The following PRICKLE1 variants were observed in gnomAD, a reference collection of about 807,000 sequenced individuals.
PRICKLE1 encodes prickle planar cell polarity protein 1.
Under a neutral mutation model 70.2 loss-of-function variants are expected in PRICKLE1, and 14 were observed. The ratio of observed to expected loss-of-function variants is 0.20; its 90% CI spans 0.13 to 0.31. PRICKLE1 has a LOEUF of 0.31. PRICKLE1 is among the 10% of genes least tolerant of loss of function. The pLI is 1.00. For synonymous variants in PRICKLE1, 357 were observed against 379.9 expected, an observed-to-expected ratio of 0.94 and a Z score of 0.70; for missense variants, 821 against 1,026.2, an observed-to-expected ratio of 0.80 and a Z score of 2.73.
At chr12:42,588,154 C>G (rs1327225797) in intron 1 of PRICKLE1, among the ~76,000 whole-genome samples, 7 of 152,330 alleles carry the variant, frequency 4.6e-5, no homozygotes, top group African/African-American at 7.2e-5. Context: ...TGAGCTCACA[C>G]ATCTGGAGCC....
At chr12:42,541,177 G>T (rs1421145412) in intron 1 of PRICKLE1, among the ~76,000 whole-genome samples, 1 of 151,978 alleles carries the variant, frequency 6.6e-6, no homozygotes, top group Non-Finnish European at 1.5e-5. Context: ...GCTGAAATGA[G>T]GTCCAGATAG....
intron 1 of PRICKLE1, among the ~76,000 whole-genome samples, chr12:42,479,412 C>T (rs146974675): frequency 2.4e-3 from 371 of 152,322 alleles, no homozygotes; most frequent in African/African-American, 8.4e-3. Flanking sequence ...TGCACACATT[C>T]GCACACAGCA....
chr12:42,479,143 C>A (rs911104267), intron 1 of PRICKLE1, among the ~76,000 whole-genome samples: 1 of 152,224 alleles, frequency 6.6e-6, no homozygotes, highest in Non-Finnish European at 1.5e-5. Context: ...GCTCCTATTG[C>A]AACGTACCAA....
At chr12:42,492,975 C>T (rs761080711) in intron 1 of PRICKLE1, among the ~76,000 whole-genome samples, 1 of 152,146 alleles carries the variant, frequency 6.6e-6, no homozygotes, top group Non-Finnish European at 1.5e-5. Context: ...ATATTTTATC[C>T]TCCACAGAAC....
Position 42,459,621 on chromosome 12 carries a change from AG to A in PRICKLE1, c.*187del. On this transcript the variant is annotated 3_prime_UTR_variant, in exon 8 of 8. Transcript: ENST00000345127. ...GTCACGTCCACCTGGCACCATCCAA[AG>A]AGGGTAAATTGGAGAAATCACACCT... 1 of 742,696 alleles carries A rather than the reference AG, an allele frequency of 1.3e-6. No homozygotes were observed. Among genetic ancestry groups the A allele is most frequent in the South Asian group, 1.7e-5 (1 of 57,910 alleles). The allele number at this position is 742,696 out of a possible 1,614,324, so 46.0% of individuals were successfully genotyped here.
At chr12:42,509,798 G>A (rs893362155) in intron 1 of PRICKLE1, among the ~76,000 whole-genome samples, 4 of 151,988 alleles carry the variant, frequency 2.6e-5, no homozygotes, top group Admixed American at 1.3e-4. Context: ...ATCATGGCCC[G>A]GCGAGGTGGC....
chr12:42,537,097 T>C (rs754746027), intron 1 of PRICKLE1, among the ~76,000 whole-genome samples: 8 of 152,200 alleles, frequency 5.3e-5, no homozygotes, highest in Non-Finnish European at 5.9e-5. Flanking sequence ...AACACAAATA[T>C]GCCTAATAAA....
intron 1 of PRICKLE1, among the ~76,000 whole-genome samples, chr12:42,520,895 G>T (rs149869628): frequency 5.3e-5 from 8 of 152,318 alleles, no homozygotes; most frequent in Admixed American, 5.2e-4. Flanking sequence ...CCTTAGCCAG[G>T]CGTGGTGGCT....
At chr12:42,523,672 C>T (rs554619626) in intron 1 of PRICKLE1, among the ~76,000 whole-genome samples, 2 of 152,282 alleles carry the variant, frequency 1.3e-5, no homozygotes, top group South Asian at 2.1e-4. Flanking sequence ...ATCTGGGTCA[C>T]ATTATACAGT....
chr12:42,528,289 C>T (rs1257787877), intron 1 of PRICKLE1, among the ~76,000 whole-genome samples: 1 of 152,014 alleles, frequency 6.6e-6, no homozygotes, highest in Non-Finnish European at 1.5e-5. Flanking sequence ...GCCCAGACTG[C>T]TCTCGAACTC....
rs748173327 is a variant in PRICKLE1, at chr12:42,460,284, C to G, written c.2021G>C (p.Arg674Pro). The G allele has an allele frequency of 2.5e-6, 4 of 1,613,958 alleles. No individual in the cohort carries two copies. In the Admixed American group the frequency reaches 5.0e-5, roughly 20 times the overall value. The change falls in exon 8 of 8, where the codon CGC (arginine) becomes CCC (proline). Residue 674 changes from arginine (R) to proline (P), a missense_variant. Arg to Pro is a moderately radical substitution (Grantham distance 103). Transcript: ENST00000345127. The part of the protein sequence containing the change: ...EERGSRSHHH[R>P]RRRSRKSRSD... ...GCGGGACTTTCTACTTCTCCGGCGG[C>G]GGTGGTGATGAGACCTGGATCCCCT...
intron 1 of PRICKLE1, among the ~76,000 whole-genome samples, chr12:42,570,773 T>C (rs1474173643): frequency 6.6e-6 from 1 of 152,124 alleles, no homozygotes; most frequent in Non-Finnish European, 1.5e-5. Context: ...TGAGCCGAGA[T>C]TGTACCACTG....
intron 1 of PRICKLE1, among the ~76,000 whole-genome samples, chr12:42,556,316 C>T (rs1940412390): frequency 6.6e-6 from 1 of 152,196 alleles, no homozygotes; most frequent in Admixed American, 6.5e-5. Flanking sequence ...CCCCTTTGCC[C>T]CATTCCATCA....
chr12:42,566,828 CT>C (rs891595357), intron 1 of PRICKLE1, among the ~76,000 whole-genome samples: 80 of 152,256 alleles, frequency 5.3e-4, no homozygotes, highest in Non-Finnish European at 1.9e-4. Context: ...CTAAACTTGG[CT>C]TTTCAATTGA....
At position 42,495,762 on chromosome 12, in the gene PRICKLE1, T is replaced by C. The variant is rs1939189111; in HGVS notation, c.-48-23198A>G. On this transcript the variant is annotated intron_variant, in intron 1 of 7. Transcript: ENST00000345127. Reference sequence around the variant, plus strand: ...TGCCACCACGCCCTGCTAATTTTTTTTTTGTATTTTAGTAGAGACGGGGTT... The same window carrying C: ...TGCCACCACGCCCTGCTAATTTTTTCTTTGTATTTTAGTAGAGACGGGGTT... Among the ~76,000 whole-genome samples the C allele has an allele frequency of 2.0e-5, 3 of 152,074 alleles. No individual in the cohort carries two copies. In the Middle Eastern group the frequency reaches 0.01, roughly 521 times the overall value.
intron 1 of PRICKLE1, among the ~76,000 whole-genome samples, chr12:42,475,648 A>G (rs747431741): frequency 1.9e-4 from 28 of 148,396 alleles, no homozygotes; most frequent in Middle Eastern, 3.4e-3. Flanking sequence ...TATACAGTCA[A>G]AAAGGATTGT....
intron 6 of PRICKLE1, chr12:42,465,527 A>G: frequency 2.2e-6 from 1 of 462,120 alleles, no homozygotes; most frequent in Non-Finnish European, 3.9e-6. Context: ...AACTGAACCA[A>G]CATGCACTGA....
chr12:42,562,187 G>A (rs551195496), intron 1 of PRICKLE1, among the ~76,000 whole-genome samples: 1 of 152,214 alleles, frequency 6.6e-6, no homozygotes, highest in South Asian at 2.1e-4. Context: ...TGGGATTACA[G>A]GTGTAAGCCA....
chr12:42,563,145 T>C (rs1940548787), intron 1 of PRICKLE1, among the ~76,000 whole-genome samples: 1 of 151,416 alleles, frequency 6.6e-6, no homozygotes, highest in Non-Finnish European at 1.5e-5. Context: ...ATCATGCCAA[T>C]GTACTCCAGC....
Sources: gnomAD v4.1 joint callset for allele counts (sites outside exome capture counted in the v4.1 genomes callset) on GRCh38, gnomAD v4.1.1 for gene constraint, MANE v1.5 for transcripts, NCBI Gene and HGNC (gene_info 2026-07-23, HGNC 2026-07-21) for gene names.